Variants in EEA1 observed in about 807,000 individuals in gnomAD.
EEA1 encodes early endosome antigen 1, 162kD.
In EEA1, 111 loss-of-function variants were observed where a neutral mutation model predicts 209.2. The ratio of observed to expected loss-of-function variants is 0.53; its 90% CI spans 0.45 to 0.62. EEA1 has a LOEUF of 0.62. Ranked by LOEUF, EEA1 falls within the 20% of genes least tolerant of loss-of-function variation. The pLI is 0.00. For synonymous variants in EEA1, 536 were observed against 540.6 expected (o/e 0.99, Z 0.12); for missense variants, 1,343 against 1,530.8 (o/e 0.88, Z 2.05).
At chr12:92,827,718 C>T (rs867843170) in intron 12 of EEA1, among the ~76,000 whole-genome samples, 194 bp downstream of exon 12, 5 of 152,158 alleles carry the variant, frequency 3.3e-5, no homozygotes, top group African/African-American at 9.7e-5. Flanking sequence ...TTGTGCATTT[C>T]TGTTGAGAAC....
chr12:92,875,365 G>A lies in EEA1; in HGVS notation c.118-10378C>T, dbSNP rs529194194. Among the ~76,000 whole-genome samples, 3 of 152,296 alleles carry A rather than the reference G, an allele frequency of 2.0e-5. No individual in the cohort carries two copies. The East Asian group carries it at 5.8e-4, about 29-fold the overall frequency. On this transcript the variant is annotated intron_variant, in intron 2 of 28. Transcript: ENST00000322349. ...GCAGGAGAATCTCTTGAACCCAGGA[G>A]GCAGAGATTGCAGTGAGCTGAGATT...
At chr12:92,780,241 A>G (rs764236607) in intron 24 of EEA1, 39 bp downstream of exon 24, 21 of 1,572,202 alleles carry the variant, frequency 1.3e-5, no homozygotes, top group Admixed American at 8.3e-5. Context: ...AAAGAGCAAT[A>G]TAACACAGAA....
intron 10 of EEA1, among the ~76,000 whole-genome samples, chr12:92,836,148 A>G (rs1015217841): frequency 1.3e-4 from 20 of 152,222 alleles, no homozygotes; most frequent in African/African-American, 4.6e-4. Flanking sequence ...AGAGCCTGAT[A>G]TGATTGGTCA....
At chr12:92,801,246 T>C (rs1210131322) in intron 20 of EEA1, among the ~76,000 whole-genome samples, 1 of 151,514 alleles carries the variant, frequency 6.6e-6, no homozygotes, top group Non-Finnish European at 1.5e-5. Context: ...CCTTTTAAGA[T>C]TTTTTTTTCA....
At chr12:92,779,980 T>C (rs544496806) in intron 24 of EEA1, among the ~76,000 whole-genome samples, 2 of 152,152 alleles carry the variant, frequency 1.3e-5, no homozygotes, top group Non-Finnish European at 2.9e-5. Flanking sequence ...TGAAATTTAC[T>C]ACCTGTGAGC....
intron 5 of EEA1, among the ~76,000 whole-genome samples, 173 bp downstream of exon 5, chr12:92,857,102 C>G (rs1192868895): frequency 6.6e-6 from 1 of 151,926 alleles, no homozygotes; most frequent in Non-Finnish European, 1.5e-5. Flanking sequence ...TAAAAAATTA[C>G]ATCTTCACTC....
At chr12:92,923,575 C>G (rs1881095429) in intron 1 of EEA1, among the ~76,000 whole-genome samples, 1 of 152,098 alleles carries the variant, frequency 6.6e-6, no homozygotes, top group African/African-American at 2.4e-5. Flanking sequence ...TCTGCAAAGA[C>G]TTCCACAATC....
At chr12:92,835,222 A>T (rs1007151224) in intron 10 of EEA1, among the ~76,000 whole-genome samples, 1 of 151,936 alleles carries the variant, frequency 6.6e-6, no homozygotes, top group Non-Finnish European at 1.5e-5. Flanking sequence ...TAAGTTACTG[A>T]ATTTCATAAA....
intron 10 of EEA1, among the ~76,000 whole-genome samples, chr12:92,840,563 T>C (rs202176113): frequency 6.6e-6 from 1 of 152,202 alleles, no homozygotes; most frequent in East Asian, 1.9e-4. Context: ...TTGCCCGCCT[T>C]GGCCTCCCAA....
chr12:92,837,124 TAAA>T (rs10590679), intron 10 of EEA1, among the ~76,000 whole-genome samples: 2,827 of 142,644 alleles, frequency 0.02, 41 homozygotes, highest in Non-Finnish European at 0.025. Context: ...CTGTCTCATT[TAAA>T]AAAAAAAAAA....
intron 3 of EEA1, among the ~76,000 whole-genome samples, chr12:92,861,273 T>C (rs1246690974): frequency 2.0e-5 from 3 of 152,120 alleles, no homozygotes; most frequent in Non-Finnish European, 4.4e-5. Context: ...CTGACCAACA[T>C]GGAGAAACCC....
At chr12:92,831,775 A>G (rs899221699) in intron 11 of EEA1, among the ~76,000 whole-genome samples, 2 of 151,666 alleles carry the variant, frequency 1.3e-5, no homozygotes, top group Non-Finnish European at 2.9e-5. Context: ...TTTCCCTAAA[A>G]CACATAATTT....
intron 1 of EEA1, among the ~76,000 whole-genome samples, chr12:92,897,400 G>C (rs912977229): frequency 2.6e-5 from 4 of 152,140 alleles, no homozygotes; most frequent in African/African-American, 9.7e-5. Flanking sequence ...CCTCTGGTTG[G>C]CTGTTTTCTG....
Position 92,920,403 on chromosome 12 carries a change from T to C in EEA1, c.24+8640A>G, listed in dbSNP as rs907705334. Reference sequence around the variant, plus strand: ...TGGTACTGGTACCAAAACAGAGATATAGATAAATGGAACAGAACAGAGCCC... The same window carrying C: ...TGGTACTGGTACCAAAACAGAGATACAGATAAATGGAACAGAACAGAGCCC... On this transcript the variant is annotated intron_variant, in intron 1 of 28. Transcript: ENST00000322349. 3.8e-3 allele frequency among the ~76,000 whole-genome samples: 539 copies of C among 143,518 alleles called. 9 individuals are homozygous for C. Among genetic ancestry groups the C allele is most frequent in the Non-Finnish European group, 5.9e-3 (390 of 66,152 alleles). 94.2% of individuals were successfully genotyped at this position (143,518 alleles called of 152,430 possible).
chr12:92,871,944 C>A (rs183812713), intron 2 of EEA1, among the ~76,000 whole-genome samples: 328 of 152,214 alleles, frequency 2.2e-3, no homozygotes, highest in Middle Eastern at 0.014. Flanking sequence ...GCAATGGTGC[C>A]ATCTCAGCTC....
chr12:92,854,975 C>T (rs758920294), intron 5 of EEA1, among the ~76,000 whole-genome samples: 1 of 152,026 alleles, frequency 6.6e-6, no homozygotes, highest in East Asian at 1.9e-4. Context: ...CACTGTGAAC[C>T]GAAGAAAATC....
chr12:92,801,506 G>A (rs980691935), intron 20 of EEA1, 94 bp downstream of exon 20: 37 of 746,242 alleles, frequency 5.0e-5, no homozygotes, highest in Admixed American at 1.9e-4. Flanking sequence ...CTGTGGAAAT[G>A]CCCCCAAGAA....
chr12:92,828,625 T>TAG (rs1242139011), intron 11 of EEA1, among the ~76,000 whole-genome samples: 1 of 150,214 alleles, frequency 6.7e-6, no homozygotes, highest in Non-Finnish European at 1.5e-5. Context: ...ATATCATATA[T>TAG]ATATATATAT....
chr12:92,811,755 A>G (rs1187841954), intron 16 of EEA1, among the ~76,000 whole-genome samples: 1 of 152,014 alleles, frequency 6.6e-6, no homozygotes, highest in East Asian at 1.9e-4. Flanking sequence ...TTATAATTAA[A>G]TATTTTCAAT....
Sources: allele counts gnomAD v4.1 joint callset (sites outside exome capture counted in the v4.1 genomes callset), GRCh38; gene constraint gnomAD v4.1.1; transcripts MANE v1.5; gene names NCBI Gene and HGNC (gene_info 2026-07-23, HGNC 2026-07-21).